The following FSIP2 variants were observed in gnomAD, a reference collection of about 807,000 sequenced individuals.
FSIP2 encodes fibrous sheath-interacting protein 2.
A neutral mutation model predicts 510.5 loss-of-function variants in FSIP2; 367 were observed. The observed-to-expected ratio is 0.72, with a 90% CI of 0.66 to 0.78. The LOEUF is 0.78. Among genes scored for constraint, FSIP2 ranks in the 30% least tolerant of loss-of-function variants. The probability of loss-of-function intolerance (pLI) is 0.00; values close to 1 mark genes in which losing one functional copy is unlikely to be tolerated. For synonymous variants in FSIP2, 2,601 were observed against 2,732.2 expected, an observed-to-expected ratio of 0.95 and a Z score of 1.50; for missense variants, 7,594 against 7,901.7, an observed-to-expected ratio of 0.96 and a Z score of 1.48.
At chr2:185,816,006 A>T (rs1693820450) in intron 19 of FSIP2, among the ~76,000 whole-genome samples, 1 of 152,072 alleles carries the variant, frequency 6.6e-6, no homozygotes, top group South Asian at 2.1e-4. Context: ...GGGGCAAAGT[A>T]TGGGCTATAA....
At chr2:185,786,787 A>T (rs902382153) in intron 15 of FSIP2, among the ~76,000 whole-genome samples, 1 of 151,866 alleles carries the variant, frequency 6.6e-6, no homozygotes, top group Non-Finnish European at 1.5e-5. Context: ...TCTAGACCGA[A>T]AAGTCAGGAA....
Position 185,804,500 on chromosome 2 carries a change from T to G in FSIP2, c.15194T>G (p.Ile5065Arg). ...ATATATTATTTGCTATTGGAAGAAA[T>G]ATATGATTATCAAGTGCAGTCATTA... ...RKIYYLLLEE[I>R]YDYQVQSLVS... is the part of the protein sequence containing the mutation. Residue 5065 changes from isoleucine to arginine, a missense_variant, in exon 17 of 23, where the codon ATA becomes AGA. Ile to Arg is a moderately conservative substitution (Grantham distance 97). Transcript: ENST00000424728. 6 of 1,517,070 alleles carry G rather than the reference T, an allele frequency of 4.0e-6. No homozygotes were observed. The highest frequency in any genetic ancestry group is 5.3e-6 in the Non-Finnish European group (6 of 1,137,366). The allele number at this position is 1,517,070 out of a possible 1,614,324, so 94.0% of individuals were successfully genotyped here.
At chr2:185,776,537 T>C (rs945283025) in intron 13 of FSIP2, among the ~76,000 whole-genome samples, 1 of 152,202 alleles carries the variant, frequency 6.6e-6, no homozygotes, top group Non-Finnish European at 1.5e-5. Flanking sequence ...TAAATCTCTA[T>C]TGACATTAAT....
chr2:185,777,393 G>GTTTTT (rs10567134), intron 13 of FSIP2, among the ~76,000 whole-genome samples: 1 of 122,598 alleles, frequency 8.2e-6, no homozygotes, highest in African/African-American at 3.0e-5. Flanking sequence ...TATAATTGTA[G>GTTTTT]TTTTTTTTTT....
chr2:185,764,242 A>G (rs1692414869), intron 12 of FSIP2, among the ~76,000 whole-genome samples: 1 of 151,712 alleles, frequency 6.6e-6, no homozygotes, highest in Non-Finnish European at 1.5e-5. Context: ...ACTATATGCT[A>G]AATCCCAAAG....
At chr2:185,756,723 A>G (rs1309591206) in intron 9 of FSIP2, among the ~76,000 whole-genome samples, 1 of 151,274 alleles carries the variant, frequency 6.6e-6, no homozygotes, top group African/African-American at 2.4e-5. Context: ...ATTAGAGCTC[A>G]TTGAAAGATT....
At chr2:185,746,219 A>G (rs769890145) in intron 5 of FSIP2, among the ~76,000 whole-genome samples, 10 of 151,964 alleles carry the variant, frequency 6.6e-5, no homozygotes, top group Non-Finnish European at 1.3e-4. Flanking sequence ...CAGATGAGAG[A>G]TTTGTTCAAG....
chr2:185,747,096 T>G (rs905301160), intron 6 of FSIP2, among the ~76,000 whole-genome samples: 1 of 152,092 alleles, frequency 6.6e-6, no homozygotes, highest in Non-Finnish European at 1.5e-5. Context: ...GACAAAATTT[T>G]TTTGAAATTT....
intron 20 of FSIP2, 62 bp from the exon 21 acceptor site, chr2:185,828,094 G>A (rs1168977130): frequency 1.1e-6 from 1 of 896,520 alleles, no homozygotes; most frequent in Admixed American, 2.0e-5. Context: ...TCAGATTTGT[G>A]TCAACAAATA....
At position 185,833,106 on chromosome 2, in the gene FSIP2, T is replaced by C. The variant is rs1490102153; in HGVS notation, c.20604T>C (p.Asp6868=). 2.5e-6 allele frequency: 4 copies of C among 1,610,770 alleles called. No individual in the cohort carries two copies. Among genetic ancestry groups the C allele is most frequent in the Non-Finnish European group, 3.4e-6 (4 of 1,178,184 alleles). The part of the protein sequence containing the change: ...KEVISETPKP[D]VSKQGSKMLT... The stretch of plus-strand genomic sequence containing the variant: ...TGTCCACAGAAACTCCCAAGCCCGA[T>C]GTCTCCAAACAAGGATCTAAAATGC... The change falls in exon 23 of 23, where the codon GAT becomes GAC. Residue 6868 remains aspartate, a synonymous_variant. Transcript: ENST00000424728.
At chr2:185,760,924 T>G in intron 9 of FSIP2, 64 bp from the exon 10 acceptor site, 1 of 535,098 alleles carries the variant, frequency 1.9e-6, no homozygotes, top group Non-Finnish European at 3.1e-6. Context: ...GTACTTTGAT[T>G]GTACTTTCCT....
In FSIP2 at chr2:185,819,643, T is replaced by A. The variant is rs534486890; in HGVS notation, c.20426+4172T>A. On this transcript the variant is annotated intron_variant, in intron 19 of 22. Coordinates refer to ENST00000424728, the MANE Select transcript of FSIP2 (RefSeq NM_173651.4). ...GCTTAATGAAAATTTGACTTACAAT[T>A]TTTTTAACTTTATGACAGTGTGAAA... is the stretch of plus-strand genomic sequence containing the variant. 4.6e-5 allele frequency among the ~76,000 whole-genome samples: 7 copies of A among 152,004 alleles called. No individual in the cohort carries two copies. The South Asian group carries it at 1.5e-3, about 31-fold the overall frequency.
intron 19 of FSIP2, among the ~76,000 whole-genome samples, chr2:185,823,730 T>C (rs953298961): frequency 6.6e-5 from 10 of 151,790 alleles, no homozygotes; most frequent in Non-Finnish European, 1.3e-4. Context: ...CAAGCAATTC[T>C]ACTTCTGTGT....
intron 20 of FSIP2, among the ~76,000 whole-genome samples, chr2:185,827,343 A>G (rs1694031147): frequency 6.6e-6 from 1 of 151,794 alleles, no homozygotes; most frequent in Non-Finnish European, 1.5e-5. Flanking sequence ...GTAGCTATAT[A>G]AAATGCATAG....
chr2:185,782,839 T>G lies in FSIP2; in HGVS notation c.1469+77T>G. On this transcript the variant is annotated intron_variant, in intron 14 of 22. Coordinates refer to ENST00000424728, the MANE Select transcript of FSIP2 (RefSeq NM_173651.4). ...AAGAGTGCTGCTCATAAGCAAATGA[T>G]TCCATGGAATCCTCCATTTTTATAG... 15 of 773,648 alleles carry G rather than the reference T, an allele frequency of 1.9e-5. No individual in the cohort carries two copies. In the South Asian group the frequency reaches 2.0e-4, roughly 10 times the overall value. 47.9% of individuals were successfully genotyped at this position (773,648 alleles called of 1,614,324 possible).
At chr2:185,772,853 TTTTG>T (rs1213895509) in intron 13 of FSIP2, among the ~76,000 whole-genome samples, 4 of 151,792 alleles carry the variant, frequency 2.6e-5, no homozygotes, top group Middle Eastern at 3.4e-3. Context: ...CTTTCTTTTC[TTTTG>T]TTTTTGTTTT....
In FSIP2 at chr2:185,806,406, T is replaced by C. The variant is rs746232601; in HGVS notation, c.17100T>C (p.Tyr5700=). 1.4e-5 allele frequency: 23 copies of C among 1,611,898 alleles called. No homozygotes were observed. The highest frequency in any genetic ancestry group is 2.7e-5 in the African/African-American group (2 of 74,772). ...ELSSSPEPAY[Y]SKLSYDQSPP... is the part of the protein sequence containing the mutation. ...CTTCTTCTCCAGAACCAGCATATTA[T>C]TCGAAACTCAGTTATGACCAAAGCC... Residue 5700 remains tyrosine (Y), a synonymous_variant, in exon 17 of 23, where the codon TAT becomes TAC. Coordinates refer to ENST00000424728, the MANE Select transcript of FSIP2 (RefSeq NM_173651.4).
At chr2:185,739,214 A>G (rs1463470301) in intron 1 of FSIP2, 132 bp from the exon 2 acceptor site, 3 of 1,154,412 alleles carry the variant, frequency 2.6e-6, no homozygotes, top group Non-Finnish European at 3.5e-6. Context: ...GGAAAACGGG[A>G]GGACTTCAGG....
At chr2:185,745,310 T>C (rs1316229231) in intron 4 of FSIP2, 119 bp from the exon 5 acceptor site, 1 of 558,230 alleles carries the variant, frequency 1.8e-6, no homozygotes, top group Non-Finnish European at 2.8e-6. Context: ...GGATTCAAAA[T>C]AGATGTAAAT....
Sources: gnomAD v4.1 joint callset for allele counts (sites outside exome capture counted in the v4.1 genomes callset) on GRCh38, gnomAD v4.1.1 for gene constraint, MANE v1.5 for transcripts, NCBI Gene and HGNC (gene_info 2026-07-23, HGNC 2026-07-21) for gene names.